The following ARHGAP18 variants were observed in gnomAD, a reference collection of about 807,000 sequenced individuals.
ARHGAP18 encodes Rho GTPase activating protein 18.
A neutral mutation model predicts 86.2 loss-of-function variants in ARHGAP18; 67 were observed. The ratio of observed to expected loss-of-function variants is 0.78; its 90% confidence interval spans 0.64 to 0.95. The LOEUF (loss-of-function observed/expected upper bound fraction) is 0.95, where lower values mean the gene tolerates loss of function less well. Ranked by LOEUF, ARHGAP18 falls within the 40% of genes least tolerant of loss-of-function variation. The pLI is 0.00. For synonymous variants in ARHGAP18, 283 were observed against 280.4 expected, an observed-to-expected ratio of 1.01 and a Z score of -0.09; for missense variants, 691 against 780.4, an observed-to-expected ratio of 0.89 and a Z score of 1.37.
intron 4 of ARHGAP18, among the ~76,000 whole-genome samples, chr6:129,629,766 C>T (rs1471909414): frequency 6.6e-6 from 1 of 152,072 alleles, no homozygotes; most frequent in Non-Finnish European, 1.5e-5. Flanking sequence ...AGACCACAAT[C>T]CTCAAACTGG....
intron 1 of ARHGAP18, among the ~76,000 whole-genome samples, chr6:129,680,261 G>GA (rs1272403645): frequency 1.3e-5 from 2 of 151,874 alleles, no homozygotes; most frequent in East Asian, 3.9e-4. Context: ...AGGGTAATAA[G>GA]AAAAAAAATA....
chr6:129,668,534 T>C (rs555944789), intron 1 of ARHGAP18, among the ~76,000 whole-genome samples: 84 of 152,342 alleles, frequency 5.5e-4, no homozygotes, highest in Non-Finnish European at 9.8e-4. Flanking sequence ...TTCAGCCTGA[T>C]GTTCAAGACT....
chr6:129,637,600 A>G (rs1163612436), intron 3 of ARHGAP18, among the ~76,000 whole-genome samples: 1 of 152,216 alleles, frequency 6.6e-6, no homozygotes, highest in East Asian at 1.9e-4. Flanking sequence ...ATGTGTAAAC[A>G]GACTGTAACC....
At chr6:129,621,317 G>C (rs1015674626) in intron 5 of ARHGAP18, among the ~76,000 whole-genome samples, 1 of 152,178 alleles carries the variant, frequency 6.6e-6, no homozygotes, top group East Asian at 1.9e-4. Context: ...CAATTCAAAA[G>C]AGAGCCTTCA....
intron 12 of ARHGAP18, among the ~76,000 whole-genome samples, chr6:129,591,767 T>A (rs1441148016): frequency 1.3e-5 from 2 of 152,168 alleles, no homozygotes; most frequent in Non-Finnish European, 2.9e-5. Flanking sequence ...AAACCCTTTT[T>A]ATCTTCAAAA....
In ARHGAP18 at chr6:129,640,383, G is replaced by A. The variant is rs1360243130; in HGVS notation, c.316+1433C>T. 3.9e-5 allele frequency among the ~76,000 whole-genome samples: 6 copies of A among 152,216 alleles called. No homozygotes were observed. The South Asian group carries it at 6.2e-4, about 16-fold the overall frequency. ...ATACTTCTATGTATCAGGCTTAAAC[G>A]CTGCTTTCTCAAACATATTCTCTCC... On this transcript the variant is annotated intron_variant, in intron 2 of 14. Transcript: ENST00000368149.
At chr6:129,657,376 C>T (rs1773859951) in intron 1 of ARHGAP18, among the ~76,000 whole-genome samples, 1 of 147,932 alleles carries the variant, frequency 6.8e-6, no homozygotes, top group Non-Finnish European at 1.5e-5. Context: ...TGCATGTTTT[C>T]TTAATTGGAG....
At chr6:129,620,188 C>T (rs1004378211) in intron 5 of ARHGAP18, among the ~76,000 whole-genome samples, 2 of 152,168 alleles carry the variant, frequency 1.3e-5, no homozygotes, top group Admixed American at 1.3e-4. Flanking sequence ...ACACAAAATT[C>T]ATTTATGTTT....
intron 5 of ARHGAP18, among the ~76,000 whole-genome samples, chr6:129,620,211 G>C (rs1789198918): frequency 6.6e-6 from 1 of 152,208 alleles, no homozygotes; most frequent in Non-Finnish European, 1.5e-5. Flanking sequence ...TATACACATA[G>C]CCTGAAGGCA....
At chr6:129,607,090 C>A (rs915609893) in intron 9 of ARHGAP18, among the ~76,000 whole-genome samples, 5 of 152,026 alleles carry the variant, frequency 3.3e-5, no homozygotes, top group Non-Finnish European at 5.9e-5. Context: ...GAACTCCTGA[C>A]CTCAAGTGAT....
chr6:129,629,318 C>T, intron 5 of ARHGAP18, 35 bp downstream of exon 5: 2 of 1,582,490 alleles, frequency 1.3e-6, no homozygotes, highest in Admixed American at 3.4e-5. Context: ...TGTATATGTA[C>T]ATATATGTAT....
intron 1 of ARHGAP18, among the ~76,000 whole-genome samples, chr6:129,650,108 G>C (rs1416368298): frequency 6.9e-6 from 1 of 145,660 alleles, no homozygotes; most frequent in Admixed American, 7.0e-5. Context: ...ATTTTTAGTA[G>C]AGACAGGGTT....
chr6:129,670,507 G>C lies in ARHGAP18; in HGVS notation c.114-28489C>G, dbSNP rs148127078. ...GTAACGTTTTTCCTGCATTCTGGTA[G>C]AGAATATTCACACCGAGGATGGAGG... On this transcript the variant is annotated intron_variant, in intron 1 of 14. Transcript: ENST00000368149. Among the ~76,000 whole-genome samples the C allele has an allele frequency of 3.3e-3, 503 of 152,270 alleles. 3 individuals carry two copies. Among genetic ancestry groups the C allele is most frequent in the African/African-American group, 0.011 (471 of 41,552 alleles).
At chr6:129,595,211 C>G (rs923167813) in intron 12 of ARHGAP18, among the ~76,000 whole-genome samples, 5 of 152,158 alleles carry the variant, frequency 3.3e-5, no homozygotes, top group African/African-American at 1.2e-4. Flanking sequence ...CTATTACCCC[C>G]TAAAAATATA....
intron 1 of ARHGAP18, among the ~76,000 whole-genome samples, chr6:129,660,034 T>G (rs1168964687): frequency 1.3e-5 from 2 of 152,036 alleles, no homozygotes; most frequent in Admixed American, 6.5e-5. Flanking sequence ...CTGCATTCAT[T>G]TTCAGGGAGG....
chr6:129,678,835 A>G (rs991293273), intron 1 of ARHGAP18, among the ~76,000 whole-genome samples: 3 of 152,240 alleles, frequency 2.0e-5, no homozygotes, highest in Admixed American at 2.0e-4. Context: ...CAAAATAAAA[A>G]GTTGAGGAAA....
chr6:129,600,527 A>C, intron 11 of ARHGAP18, 115 bp downstream of exon 11: 1 of 816,980 alleles, frequency 1.2e-6, no homozygotes, highest in South Asian at 2.0e-5. Context: ...TATGAATAAA[A>C]TGTTTTTAAT....
At chr6:129,667,469 A>ATGTGTGTGTG (rs376500003) in intron 1 of ARHGAP18, among the ~76,000 whole-genome samples, 57 of 104,164 alleles carry the variant, frequency 5.5e-4, no homozygotes, top group East Asian at 8.7e-4. Context: ...AAAAATATAT[A>ATGTGTGTGTG]TGTGTGTGTG....
chr6:129,621,200 G>T lies in ARHGAP18; in HGVS notation c.787-2348C>A, dbSNP rs190011805. Among the ~76,000 whole-genome samples, 651 of 152,214 alleles carry T rather than the reference G, an allele frequency of 4.3e-3. 4 individuals are homozygous for T. Among genetic ancestry groups the T allele is most frequent in the Middle Eastern group, 6.8e-3 (2 of 294 alleles). ...TTTTGAGGCCCTTAATAATTTTTAA[G>T]TGTATGAAGGAGTTGTGAGATGAAA... On this transcript the variant is annotated intron_variant, in intron 5 of 14. Transcript: ENST00000368149.
Sources: gnomAD v4.1 joint callset for allele counts (sites outside exome capture counted in the v4.1 genomes callset) on GRCh38, gnomAD v4.1.1 for gene constraint, MANE v1.5 for transcripts, NCBI Gene and HGNC (gene_info 2026-07-23, HGNC 2026-07-21) for gene names.